HIGD1C: variants seen among roughly 807,000 people sequenced by gnomAD.
HIGD1C encodes the protein HIG1 domain family member 1C.
In HIGD1C, 11 loss-of-function variants were observed where a neutral mutation model predicts 13.1. The observed-to-expected ratio is 0.84, with a 90% CI of 0.53 to 1.39. The LOEUF (loss-of-function observed/expected upper bound fraction) is 1.39, where lower values mean the gene tolerates loss of function less well. Ranked by LOEUF, HIGD1C falls within the 40% of genes most tolerant of loss-of-function variation. The pLI, the probability that HIGD1C is intolerant of heterozygous loss-of-function variation, is 0.00. For synonymous variants in HIGD1C, 36 were observed against 37.7 expected, an observed-to-expected ratio of 0.95 and a Z score of 0.17; for missense variants, 110 against 112.0, an observed-to-expected ratio of 0.98 and a Z score of 0.08.
chr12:50,943,581 G>A, the HIGD1C span, among the ~76,000 whole-genome samples: 23,463 of 151,902 alleles, frequency 0.15, 1,989 homozygotes, highest in South Asian at 0.27. Flanking sequence ...GAGGTGGCGG[G>A]CACCTGTAGT....
At chr12:50,953,332 TG>T (rs1938967660), upstream of HIGD1C, among the ~76,000 whole-genome samples, 1 of 152,256 alleles carries the variant, frequency 6.6e-6, no homozygotes, top group Non-Finnish European at 1.5e-5. Context: ...ATTTGAATTC[TG>T]GGGTGAACAC....
chr12:50,960,890 G>A, intron 1 of HIGD1C, 78 bp from the exon 4 acceptor site: 2 of 1,279,508 alleles, frequency 1.6e-6, no homozygotes, highest in South Asian at 3.3e-5. Flanking sequence ...ATGTTGCCCA[G>A]GCTGTTTTCA....
At chr12:50,957,207 C>CT (rs546542495) in intron 1 of HIGD1C, among the ~76,000 whole-genome samples, 297 of 146,824 alleles carry the variant, frequency 2.0e-3, no homozygotes, top group African/African-American at 6.9e-3. Flanking sequence ...AAATTACTTG[C>CT]TTTTTTTTCT....
intron 1 of HIGD1C, 85 bp from the exon 4 acceptor site, chr12:50,960,883 T>C (rs1939299444): frequency 8.3e-7 from 1 of 1,208,544 alleles, no homozygotes; most frequent in Non-Finnish European, 1.1e-6. Context: ...TCTTGCTATG[T>C]TGCCCAGGCT....
the HIGD1C span, chr12:50,935,331 G>C: frequency 6.6e-6 from 1 of 152,206 alleles, no homozygotes; most frequent in Non-Finnish European, 1.5e-5. Flanking sequence ...CAGAGAAACG[G>C]AGCAGAGGTC....
chr12:50,933,415 C>T, the HIGD1C span, among the ~76,000 whole-genome samples: 1 of 152,230 alleles, frequency 6.6e-6, no homozygotes, highest in Non-Finnish European at 1.5e-5. Flanking sequence ...GTGACAGAAT[C>T]CCAATCCAAA....
intron 1 of HIGD1C, among the ~76,000 whole-genome samples, chr12:50,957,561 T>A (rs2139794046): frequency 6.6e-6 from 1 of 151,562 alleles, no homozygotes; most frequent in East Asian, 2.0e-4. Flanking sequence ...TTCTATATAC[T>A]AACAAGAAGC....
intron 2 of HIGD1C, among the ~76,000 whole-genome samples, chr12:50,967,559 A>G (rs1939588025): frequency 6.6e-6 from 1 of 152,130 alleles, no homozygotes; most frequent in African/African-American, 2.4e-5. Flanking sequence ...GACAGGTATA[A>G]GCCACCATGC....
At chr12:50,951,089 A>G (rs1051670211), upstream of HIGD1C, among the ~76,000 whole-genome samples, 8 of 152,274 alleles carry the variant, frequency 5.3e-5, no homozygotes, top group South Asian at 2.1e-4. Context: ...TTAATGGGTA[A>G]AAGTCTGACA....
chr12:50,971,620 T>TA (rs1434147655), downstream of HIGD1C, among the ~76,000 whole-genome samples: 1 of 152,196 alleles, frequency 6.6e-6, no homozygotes. Flanking sequence ...CCTCAGGGTC[T>TA]AAAAAATTAA....
At chr12:50,941,088 C>T in the HIGD1C span, among the ~76,000 whole-genome samples, 2 of 152,256 alleles carry the variant, frequency 1.3e-5, no homozygotes, top group South Asian at 4.2e-4. Context: ...TGGGCTTGCA[C>T]TCCTGGCCCT....
chr12:50,944,884 C>A, the HIGD1C span, among the ~76,000 whole-genome samples: 1 of 152,096 alleles, frequency 6.6e-6, no homozygotes, highest in African/African-American at 2.4e-5. Flanking sequence ...AAGACTCTGT[C>A]TCAAAATAAA....
At chr12:50,933,252 C>T in the HIGD1C span, among the ~76,000 whole-genome samples, 3 of 152,196 alleles carry the variant, frequency 2.0e-5, no homozygotes, top group Non-Finnish European at 4.4e-5. Flanking sequence ...TCTTTTACTG[C>T]TTTCCTCCTT....
At chr12:50,933,604 C>A in the HIGD1C span, among the ~76,000 whole-genome samples, 1 of 152,252 alleles carries the variant, frequency 6.6e-6, no homozygotes, top group African/African-American at 2.4e-5. Context: ...ATGGCTCTGA[C>A]CTTCATGCTT....
the HIGD1C span, among the ~76,000 whole-genome samples, chr12:50,936,812 A>C: frequency 1.3e-5 from 2 of 152,362 alleles, no homozygotes; most frequent in Non-Finnish European, 2.9e-5. Context: ...TGATATTTAG[A>C]ATTTAACACA....
At chr12:50,956,645 C>T (rs1373251285) in intron 1 of HIGD1C, among the ~76,000 whole-genome samples, 3 of 152,156 alleles carry the variant, frequency 2.0e-5, no homozygotes, top group Non-Finnish European at 2.9e-5. Flanking sequence ...GATTATTTGG[C>T]TTTGCTTGTT....
upstream of HIGD1C, among the ~76,000 whole-genome samples, chr12:50,951,445 TACC>T (rs918484218): frequency 1.8e-4 from 27 of 152,202 alleles, no homozygotes; most frequent in Middle Eastern, 3.2e-3. Flanking sequence ...CAAAGTTAAC[TACC>T]ACCAGGCAAT....
chr12:50,953,657 G>C (rs1938980405), upstream of HIGD1C, among the ~76,000 whole-genome samples: 1 of 152,224 alleles, frequency 6.6e-6, no homozygotes, highest in African/African-American at 2.4e-5. Context: ...CAAATACAGT[G>C]CTTGTGGAAG....
At chr12:50,964,099 A>G (rs1272358192) in intron 2 of HIGD1C, among the ~76,000 whole-genome samples, 1 of 152,170 alleles carries the variant, frequency 6.6e-6, no homozygotes, top group Non-Finnish European at 1.5e-5. Flanking sequence ...GTTGAATCCT[A>G]TTAACACTTC....
Sources: allele counts gnomAD v4.1 joint callset (sites outside exome capture counted in the v4.1 genomes callset), GRCh38; gene constraint gnomAD v4.1.1; transcripts MANE v1.5; gene names NCBI Gene and HGNC (gene_info 2026-07-23, HGNC 2026-07-21).